PCDH15: variants seen among roughly 807,000 people sequenced by gnomAD.
PCDH15 encodes the protein protocadherin related 15, also known as protocadherin-15.
A neutral mutation model predicts 178.5 loss-of-function variants in PCDH15; 129 were observed. That is an observed-to-expected ratio of 0.72 (90% CI 0.63 to 0.84). The LOEUF (loss-of-function observed/expected upper bound fraction) is 0.84, where lower values mean the gene tolerates loss of function less well. Ranked by LOEUF, PCDH15 falls within the 40% of genes least tolerant of loss-of-function variation. The pLI, the probability that PCDH15 is intolerant of heterozygous loss-of-function variation, is 0.00. For synonymous variants in PCDH15, 800 were observed against 732.0 expected (o/e 1.09, Z -1.50); for missense variants, 2,230 against 2,099.9 (o/e 1.06, Z -1.21).
At chr10:55,606,897 G>A (rs1321989782) in intron 2 of PCDH15, among the ~76,000 whole-genome samples, 1 of 146,420 alleles carries the variant, frequency 6.8e-6, no homozygotes, top group Non-Finnish European at 1.5e-5. Flanking sequence ...ATTGACAAAT[G>A]GGATCTAATT....
At chr10:54,902,874 A>C (rs1954660811) in intron 2 of PCDH15, among the ~76,000 whole-genome samples, 1 of 152,082 alleles carries the variant, frequency 6.6e-6, no homozygotes, top group African/African-American at 2.4e-5. Flanking sequence ...ATAGATAGGC[A>C]GTTTTGTGCT....
At chr10:54,594,644 G>A (rs145116417) in intron 2 of PCDH15, among the ~76,000 whole-genome samples, 147 of 152,282 alleles carry the variant, frequency 9.7e-4, no homozygotes, top group Non-Finnish European at 1.8e-3. Context: ...CGCTGCCAGC[G>A]ATCCCCATAC....
At chr10:53,973,303 A>G (rs10763037) in intron 21 of PCDH15, among the ~76,000 whole-genome samples, 7 of 115,728 alleles carry the variant, frequency 6.0e-5, no homozygotes, top group Admixed American at 9.0e-5. Flanking sequence ...GGGTGGGGGG[A>G]GGGGGGAGGG....
At chr10:54,560,411 A>T (rs1203821654) in intron 2 of PCDH15, among the ~76,000 whole-genome samples, 1 of 152,134 alleles carries the variant, frequency 6.6e-6, no homozygotes, top group Non-Finnish European at 1.5e-5. Flanking sequence ...ATGTTGCAAT[A>T]TATCAAATTA....
At chr10:54,576,113 A>T (rs965032574) in intron 2 of PCDH15, among the ~76,000 whole-genome samples, 5 of 122,136 alleles carry the variant, frequency 4.1e-5, no homozygotes, top group Non-Finnish European at 8.6e-5. Context: ...ATTATCATTT[A>T]TCTATGTATG....
Position 53,805,564 on chromosome 10 carries a change from A to C in PCDH15, c.*1015T>G, listed in dbSNP as rs1196544349. 3.3e-5 allele frequency: 5 copies of C among 152,074 alleles called. No homozygotes were observed. Among genetic ancestry groups the C allele is most frequent in the African/African-American group, 1.2e-4 (5 of 41,396 alleles). 9.4% of individuals were successfully genotyped at this position (152,074 alleles called of 1,614,324 possible). ...TATTCTATAAATAACCTGAAAATGG[A>C]AGAAGTTAAACACAACATTTGAAGT... On this transcript the variant is annotated 3_prime_UTR_variant, in exon 38 of 38. Coordinates refer to ENST00000644397, the MANE Select transcript of PCDH15 (RefSeq NM_001384140.1).
intron 1 of PCDH15, among the ~76,000 whole-genome samples, chr10:54,759,553 T>C (rs753704107): frequency 1.8e-4 from 28 of 152,230 alleles, no homozygotes; most frequent in Non-Finnish European, 3.7e-4. Flanking sequence ...GCATATATGA[T>C]TCATTCATCT....
In PCDH15 at chr10:55,585,743, A is replaced by G. The variant is rs145844131; in HGVS notation, c.-156+41882T>C. Among the ~76,000 whole-genome samples the G allele has an allele frequency of 8.0e-3, 1,213 of 151,980 alleles. 15 individuals carry two copies. The highest frequency in any genetic ancestry group is 0.02 in the Middle Eastern group (6 of 294). On this transcript the variant is annotated intron_variant, in intron 2 of 5. Transcript: ENST00000613346. ...AGTATGTATGTGTATATGTGTGTGT[A>G]TATATATATGTGTGTGTGTATATAT...
chr10:54,347,186 T>C (rs1019919972), intron 5 of PCDH15, among the ~76,000 whole-genome samples: 2 of 152,216 alleles, frequency 1.3e-5, no homozygotes, highest in African/African-American at 4.8e-5. Flanking sequence ...TTATTTTTTT[T>C]TACCTGTAGG....
At chr10:54,184,120 A>G (rs1169537817) in intron 12 of PCDH15, among the ~76,000 whole-genome samples, 2 of 152,114 alleles carry the variant, frequency 1.3e-5, no homozygotes, top group African/African-American at 4.8e-5. Context: ...TTGATAATGT[A>G]TGTTATACTT....
chr10:54,508,505 A>G (rs942351221), intron 3 of PCDH15, among the ~76,000 whole-genome samples: 2 of 152,170 alleles, frequency 1.3e-5, no homozygotes, highest in Non-Finnish European at 2.9e-5. Context: ...TCATAGCATA[A>G]CATAGCCTAC....
At chr10:54,087,530 A>G (rs72797010) in intron 16 of PCDH15, among the ~76,000 whole-genome samples, 29,826 of 152,154 alleles carry the variant, frequency 0.2, 3,183 homozygotes, top group Non-Finnish European at 0.25. Flanking sequence ...GACAGGCAAC[A>G]TTTTGTTTAT....
chr10:55,091,936 A>G (rs1428140128), intron 2 of PCDH15, among the ~76,000 whole-genome samples: 1 of 150,400 alleles, frequency 6.6e-6, no homozygotes, highest in Non-Finnish European at 1.5e-5. Context: ...CATGCCAGAA[A>G]CTGTGGGTAA....
chr10:54,335,265 C>T (rs1253953498), intron 6 of PCDH15, among the ~76,000 whole-genome samples: 1 of 152,172 alleles, frequency 6.6e-6, no homozygotes, highest in Non-Finnish European at 1.5e-5. Context: ...AAACATGTCC[C>T]TGGCTGACAG....
At chr10:55,181,401 A>T (rs1839642838) in intron 1 of PCDH15, among the ~76,000 whole-genome samples, 1 of 151,974 alleles carries the variant, frequency 6.6e-6, no homozygotes, top group Admixed American at 6.6e-5. Context: ...AAAATATACT[A>T]ATTAATGTTT....
chr10:54,029,496 T>C (rs1195758765), intron 18 of PCDH15, among the ~76,000 whole-genome samples: 1 of 152,176 alleles, frequency 6.6e-6, no homozygotes, highest in Admixed American at 6.6e-5. Context: ...GAATGCATAT[T>C]GCTGGGAAAT....
At chr10:55,293,002 G>T (rs1288215872) in intron 1 of PCDH15, among the ~76,000 whole-genome samples, 5 of 152,196 alleles carry the variant, frequency 3.3e-5, no homozygotes, top group East Asian at 1.9e-4. Context: ...CTTCTGTACT[G>T]CCCTAGCAGA....
chr10:55,418,288 T>C (rs1376277963), intron 2 of PCDH15, among the ~76,000 whole-genome samples: 3 of 151,788 alleles, frequency 2.0e-5, no homozygotes, highest in African/African-American at 4.8e-5. Context: ...ATTAGAAATA[T>C]GAAGCTTTTC....
At chr10:53,851,136 C>T (rs931021131) in intron 28 of PCDH15, among the ~76,000 whole-genome samples, 4 of 151,994 alleles carry the variant, frequency 2.6e-5, no homozygotes, top group South Asian at 2.1e-4. Context: ...CATAGTCAAA[C>T]GACTTTTTCC....
Sources: gnomAD v4.1 joint callset for allele counts (sites outside exome capture counted in the v4.1 genomes callset) on GRCh38, gnomAD v4.1.1 for gene constraint, MANE v1.5 for transcripts, NCBI Gene and HGNC (gene_info 2026-07-23, HGNC 2026-07-21) for gene names.